The following RIMS1 variants were observed in gnomAD, a reference collection of about 807,000 sequenced individuals.
RIMS1 encodes the protein regulating synaptic membrane exocytosis protein 1.
In RIMS1, 83 loss-of-function variants were observed where a neutral mutation model predicts 214.1. That is an observed-to-expected ratio of 0.39 (90% CI 0.32 to 0.47). The LOEUF (loss-of-function observed/expected upper bound fraction) is 0.47, where lower values mean the gene tolerates loss of function less well. Among genes scored for constraint, RIMS1 ranks in the 20% least tolerant of loss-of-function variants. The pLI is 0.99. For synonymous variants in RIMS1, 793 were observed against 786.8 expected, an observed-to-expected ratio of 1.01 and a Z score of -0.13; for missense variants, 2,050 against 2,161.8, an observed-to-expected ratio of 0.95 and a Z score of 1.03.
chr6:72,085,394 G>A (rs116551155), intron 2 of RIMS1, among the ~76,000 whole-genome samples: 2,055 of 152,206 alleles, frequency 0.014, 52 homozygotes, highest in African/African-American at 0.047. Context: ...ATATACAAAT[G>A]TGCACATTTC....
Position 72,182,548 on chromosome 6 carries a change from G to A in RIMS1, c.1077G>A (p.Pro359=), listed in dbSNP as rs1204229327. 16 of 1,555,096 alleles carry A rather than the reference G, an allele frequency of 1.0e-5. No individual in the cohort carries two copies. Among genetic ancestry groups the A allele is most frequent in the Admixed American group, 9.7e-5 (5 of 51,316 alleles). ...ATCAGACCAGGTACCGCAGCGACCC[G>A]AACCTAGCTCGGTACCCGGTGAAAC... ...EDYQTRYRSD[P]NLARYPVKPP... is the part of the protein sequence containing the mutation. Residue 359 remains proline (P), a synonymous_variant, in exon 6 of 34, where the codon CCG becomes CCA. Transcript: ENST00000521978.
chr6:72,212,989 T>C (rs931816900), intron 6 of RIMS1: 1 of 1,430,352 alleles, frequency 7.0e-7, no homozygotes, highest in Non-Finnish European at 9.1e-7. Context: ...GCTGGTCCTG[T>C]TGTTCAATGA....
chr6:72,174,488 T>C lies in RIMS1; in HGVS notation c.472-5087T>C, dbSNP rs184021500. On this transcript the variant is annotated intron_variant, in intron 4 of 33. Transcript: ENST00000521978. Reference sequence around the variant, plus strand: ...GAGCTTTAAATATGTTCTAAAATTTTACCAAATAATTTGATTTTTTCTAAT... The same window carrying C: ...GAGCTTTAAATATGTTCTAAAATTTCACCAAATAATTTGATTTTTTCTAAT... 3.2e-3 allele frequency among the ~76,000 whole-genome samples: 490 copies of C among 152,258 alleles called. 6 individuals carry two copies. The highest frequency in any genetic ancestry group is 0.011 in the African/African-American group (446 of 41,552).
Position 72,258,282 on chromosome 6 carries a change from G to A in RIMS1, c.2927+1G>A. On this transcript the variant is annotated splice_donor_variant, in intron 17 of 33. Transcript: ENST00000521978. LOFTEE classifies it high-confidence loss of function. ...GTTTACCAAATGTGCCATTACAGAG[G>A]TAGGCTTTGAAATGGGCTCAGTGTC... 1 of 1,612,698 alleles carries A rather than the reference G, an allele frequency of 6.2e-7. No homozygotes were observed. The highest frequency in any genetic ancestry group is 8.5e-7 in the Non-Finnish European group (1 of 1,179,174).
chr6:72,174,309 G>C (rs1282148826), intron 4 of RIMS1, among the ~76,000 whole-genome samples: 1 of 152,150 alleles, frequency 6.6e-6, no homozygotes, highest in Non-Finnish European at 1.5e-5. Flanking sequence ...ATTTGTAAGA[G>C]TATAGGGTTT....
At position 72,182,685 on chromosome 6, in the gene RIMS1, C is replaced by G. The variant is rs1405075703; in HGVS notation, c.1214C>G (p.Pro405Arg). The G allele has an allele frequency of 1.9e-5, 28 of 1,473,664 alleles. No homozygotes were observed. The highest frequency in any genetic ancestry group is 2.8e-5 in the South Asian group (2 of 71,270). The allele number at this position is 1,473,664 out of a possible 1,614,324, so 91.3% of individuals were successfully genotyped here. ...CGCACCGAGGCGGGCGCGGCGCTGC[C>G]GGAGGGCAAGGCCGGCAAACGCGCG... ...LPRTEAGAAL[P>R]EGKAGKRAPA... Residue 405 changes from proline to arginine, a missense_variant, in exon 6 of 34, where the codon CCG becomes CGG. Around this residue, in one of 6 missense-constraint regions of RIMS1, gnomAD observed 882 missense variants for 828.9 expected, o/e 1.06. Transcript: ENST00000521978.
intron 6 of RIMS1, among the ~76,000 whole-genome samples, chr6:72,205,167 C>T (rs1357092279): frequency 6.6e-6 from 1 of 151,954 alleles, no homozygotes; most frequent in Non-Finnish European, 1.5e-5. Context: ...AATATTCCTA[C>T]CATTAGACAT....
chr6:72,250,155 A>C (rs889763647), intron 12 of RIMS1, among the ~76,000 whole-genome samples, 175 bp from the exon 13 acceptor site: 1 of 152,202 alleles, frequency 6.6e-6, no homozygotes, highest in Non-Finnish European at 1.5e-5. Flanking sequence ...CTCAAAGAGA[A>C]AAGTAAAGTT....
chr6:72,096,231 T>C (rs1031555476), intron 2 of RIMS1, among the ~76,000 whole-genome samples: 54 of 152,228 alleles, frequency 3.5e-4, no homozygotes, highest in Admixed American at 1.3e-4. Context: ...TTGAACTATG[T>C]AAAAATCTGC....
At chr6:71,932,690 A>G (rs1427221623) in intron 1 of RIMS1, among the ~76,000 whole-genome samples, 1 of 152,132 alleles carries the variant, frequency 6.6e-6, no homozygotes, top group Non-Finnish European at 1.5e-5. Flanking sequence ...CACTCAGGCT[A>G]GTCTCTAACT....
chr6:72,133,877 G>A (rs1055062601), intron 4 of RIMS1, among the ~76,000 whole-genome samples: 3 of 152,088 alleles, frequency 2.0e-5, no homozygotes, highest in African/African-American at 7.2e-5. Flanking sequence ...GGTGGGATAT[G>A]GTGTTAGGCA....
intron 2 of RIMS1, among the ~76,000 whole-genome samples, chr6:72,026,461 C>CG (rs959274194): frequency 1.4e-5 from 2 of 141,060 alleles, no homozygotes; most frequent in East Asian, 2.3e-4. Flanking sequence ...CACCGCCCCC[C>CG]CCCCCAACTT....
chr6:72,069,689 A>T (rs929238092), intron 2 of RIMS1, among the ~76,000 whole-genome samples: 1 of 152,302 alleles, frequency 6.6e-6, no homozygotes, highest in East Asian at 1.9e-4. Context: ...CTCCTGAGAG[A>T]TGAAGCTCTC....
At chr6:72,307,620 G>C (rs970084457) in intron 27 of RIMS1, among the ~76,000 whole-genome samples, 3 of 150,304 alleles carry the variant, frequency 2.0e-5, no homozygotes, top group Non-Finnish European at 3.0e-5. Context: ...CCGGGCGTGC[G>C]CCTGTAATCC....
chr6:72,246,061 T>A (rs181008073), intron 11 of RIMS1, among the ~76,000 whole-genome samples, 200 bp downstream of exon 11: 194 of 152,262 alleles, frequency 1.3e-3, no homozygotes, highest in Middle Eastern at 3.4e-3. Flanking sequence ...CCTCTACTTT[T>A]TTATGTGATT....
intron 1 of RIMS1, among the ~76,000 whole-genome samples, chr6:71,910,864 A>C (rs912499615): frequency 2.6e-5 from 4 of 152,142 alleles, no homozygotes; most frequent in Non-Finnish European, 4.4e-5. Flanking sequence ...CCTAGTAAAC[A>C]GTGGAGAAGA....
intron 16 of RIMS1, among the ~76,000 whole-genome samples, chr6:72,254,858 G>C (rs959847837): frequency 6.6e-6 from 1 of 152,050 alleles, no homozygotes; most frequent in Non-Finnish European, 1.5e-5. Context: ...GTCCCTCAAA[G>C]TGTTTGCAAA....
At chr6:71,994,192 G>A (rs944011034) in intron 2 of RIMS1, among the ~76,000 whole-genome samples, 2 of 152,168 alleles carry the variant, frequency 1.3e-5, no homozygotes, top group African/African-American at 4.8e-5. Flanking sequence ...GAGGATTTAT[G>A]TGGGGAATTT....
intron 1 of RIMS1, among the ~76,000 whole-genome samples, chr6:71,946,768 C>CAA (rs56142618): frequency 4.8e-5 from 7 of 144,772 alleles, no homozygotes; most frequent in East Asian, 2.0e-4. Context: ...GCAACGAAAG[C>CAA]AAAAAAAAAA....
Sources: allele counts gnomAD v4.1 joint callset (sites outside exome capture counted in the v4.1 genomes callset), GRCh38; gene constraint gnomAD v4.1.1; regional missense constraint gnomAD v4.1.1; transcripts MANE v1.5; gene names NCBI Gene and HGNC (gene_info 2026-07-23, HGNC 2026-07-21).